Variants in NKAIN3 observed in about 807,000 individuals in gnomAD.
The protein encoded by NKAIN3 is sodium/potassium transporting ATPase interacting 3.
NKAIN3 carries 25 observed loss-of-function variants against 30.2 expected under a neutral mutation model. That is an observed-to-expected ratio of 0.83 (90% CI 0.60 to 1.16). The LOEUF (loss-of-function observed/expected upper bound fraction) is 1.16, where lower values mean the gene tolerates loss of function less well. Ranked by LOEUF, NKAIN3 falls within the 50% of genes most tolerant of loss-of-function variation. The pLI, the probability that NKAIN3 is intolerant of heterozygous loss-of-function variation, is 0.00. For missense variants in NKAIN3, 225 were observed against 254.1 expected, an observed-to-expected ratio of 0.89 and a Z score of 0.78; for synonymous variants, 91 against 89.6, an observed-to-expected ratio of 1.02 and a Z score of -0.09.
intron 5 of NKAIN3, among the ~76,000 whole-genome samples, chr8:62,952,655 A>C (rs897033878): frequency 1.3e-5 from 2 of 152,170 alleles, no homozygotes; most frequent in African/African-American, 2.4e-5. Context: ...CAATTGAAAA[A>C]CTTAAATTGA....
At position 62,919,227 on chromosome 8, in the gene NKAIN3, A is replaced by ATTTTTTTTTTT. The variant is rs71255371; in HGVS notation, c.532+739_532+749dup. 2.3e-3 allele frequency among the ~76,000 whole-genome samples: 110 copies of ATTTTTTTTTTT among 47,188 alleles called. 8 individuals carry two copies. The highest frequency in any genetic ancestry group is 3.4e-3 in the African/African-American group (38 of 11,070). The allele number at this position is 47,188 out of a possible 152,430, so 31.0% of individuals were successfully genotyped here. A position where few individuals can be genotyped will look rare whatever the true frequency, so the allele number is the denominator to read the frequency against. On this transcript the variant is annotated intron_variant, in intron 5 of 6. Coordinates refer to ENST00000623646, the MANE Select transcript of NKAIN3 (RefSeq NM_001304533.3). The stretch of plus-strand genomic sequence containing the variant: ...TCACTTTTTTTTATTTACTTTCAAA[A>ATTTTTTTTTTT]TTTTTTTTTTTTTTTTTTTTTTTTT...
chr8:62,497,124 G>A (rs1043674066), intron 1 of NKAIN3, among the ~76,000 whole-genome samples: 3 of 151,888 alleles, frequency 2.0e-5, no homozygotes, highest in East Asian at 1.9e-4. Context: ...TGTTTCTTCT[G>A]TTTTACAGCT....
In NKAIN3 at chr8:62,579,693, T is replaced by C; in HGVS notation, c.192+17T>C. ...ATAATGGTGGTAAGTCTTATTTTTA[T>C]CATTTTGCTTCATATAAACAATTCA... On this transcript the variant is annotated intron_variant, in intron 2 of 6. Transcript: ENST00000623646. The C allele has an allele frequency of 7.2e-7, 1 of 1,382,376 alleles. No individual in the cohort carries two copies. The highest frequency in any genetic ancestry group is 9.5e-7 in the Non-Finnish European group (1 of 1,051,968). The allele number at this position is 1,382,376 out of a possible 1,614,324, so 85.6% of individuals were successfully genotyped here. A position where few individuals can be genotyped will look rare whatever the true frequency, so the allele number is the denominator to read the frequency against.
chr8:62,294,283 C>T (rs1813755552), intron 1 of NKAIN3, among the ~76,000 whole-genome samples: 1 of 152,126 alleles, frequency 6.6e-6, no homozygotes, highest in Non-Finnish European at 1.5e-5. Flanking sequence ...GCAGAAATCA[C>T]CCGTCTTCTG....
intron 3 of NKAIN3, among the ~76,000 whole-genome samples, chr8:62,738,062 C>T (rs1450300440): frequency 2.0e-5 from 3 of 152,124 alleles, no homozygotes; most frequent in Non-Finnish European, 4.4e-5. Context: ...AATGGTATTT[C>T]TGGTTCTAGA....
At chr8:62,526,344 A>T (rs1453552686) in intron 1 of NKAIN3, among the ~76,000 whole-genome samples, 2 of 152,116 alleles carry the variant, frequency 1.3e-5, no homozygotes, top group African/African-American at 2.4e-5. Context: ...TAACTTAGAA[A>T]TCTCCCAAAA....
chr8:62,875,503 C>T (rs1820769209), intron 4 of NKAIN3, among the ~76,000 whole-genome samples: 1 of 150,872 alleles, frequency 6.6e-6, no homozygotes, highest in Non-Finnish European at 1.5e-5. Flanking sequence ...GAATCAAACA[C>T]CTCGTATAGT....
intron 4 of NKAIN3, among the ~76,000 whole-genome samples, chr8:62,852,291 G>A (rs535316431): frequency 3.2e-4 from 49 of 152,102 alleles, no homozygotes; most frequent in South Asian, 1.5e-3. Context: ...CTGTGGGATC[G>A]GTGGTGATAT....
chr8:62,412,427 A>C (rs891615351), intron 1 of NKAIN3, among the ~76,000 whole-genome samples: 4 of 152,174 alleles, frequency 2.6e-5, no homozygotes, highest in Admixed American at 2.6e-4. Context: ...CTATATACAA[A>C]AATTAACTCG....
intron 1 of NKAIN3, among the ~76,000 whole-genome samples, chr8:62,522,287 C>T (rs28485927): frequency 0.064 from 9,733 of 152,128 alleles, 952 homozygotes; most frequent in African/African-American, 0.22. Flanking sequence ...CAACGCATTA[C>T]TCATGTGTTT....
chr8:62,893,255 C>G (rs1821342893), intron 4 of NKAIN3, among the ~76,000 whole-genome samples: 1 of 152,104 alleles, frequency 6.6e-6, no homozygotes, highest in Non-Finnish European at 1.5e-5. Context: ...TCAAATGGCT[C>G]AGTGGCCTGC....
At chr8:62,937,976 A>G (rs577392388) in intron 5 of NKAIN3, among the ~76,000 whole-genome samples, 3 of 152,166 alleles carry the variant, frequency 2.0e-5, no homozygotes, top group Non-Finnish European at 4.4e-5. Flanking sequence ...AGAGGCAGCC[A>G]TAATTCCCCT....
intron 1 of NKAIN3, among the ~76,000 whole-genome samples, chr8:62,523,888 T>C (rs369230556): frequency 6.6e-6 from 1 of 152,084 alleles, no homozygotes; most frequent in African/African-American, 2.4e-5. Flanking sequence ...TAGCACTACC[T>C]GCAGCCAGGT....
downstream of NKAIN3, among the ~76,000 whole-genome samples, chr8:62,988,160 G>A (rs1333141853): frequency 1.3e-5 from 2 of 152,200 alleles, no homozygotes; most frequent in Non-Finnish European, 2.9e-5. Flanking sequence ...CACTTCTGTG[G>A]CTTTGCAGGG....
intron 1 of NKAIN3, among the ~76,000 whole-genome samples, chr8:62,461,488 A>G (rs775717919): frequency 6.6e-6 from 1 of 152,244 alleles, no homozygotes; most frequent in Non-Finnish European, 1.5e-5. Context: ...AACTATTTCT[A>G]GAGAATCCTA....
At chr8:62,835,908 C>T (rs1021012072) in intron 4 of NKAIN3, among the ~76,000 whole-genome samples, 1 of 152,064 alleles carries the variant, frequency 6.6e-6, no homozygotes, top group Non-Finnish European at 1.5e-5. Flanking sequence ...CAGTGCTATT[C>T]ACAATGGCAA....
At chr8:62,738,885 A>G (rs1339931178) in intron 3 of NKAIN3, among the ~76,000 whole-genome samples, 1 of 152,080 alleles carries the variant, frequency 6.6e-6, no homozygotes, top group Non-Finnish European at 1.5e-5. Flanking sequence ...CCAATGATAG[A>G]CTGGATAAAG....
At chr8:62,527,370 C>T (rs1395339024) in intron 1 of NKAIN3, among the ~76,000 whole-genome samples, 1 of 152,158 alleles carries the variant, frequency 6.6e-6, no homozygotes. Context: ...ATTTATTTAA[C>T]ATTAAATGGA....
intron 1 of NKAIN3, among the ~76,000 whole-genome samples, chr8:62,569,082 C>T (rs1433494781): frequency 6.6e-6 from 1 of 152,144 alleles, no homozygotes; most frequent in East Asian, 1.9e-4. Context: ...AACTGCATCA[C>T]AAGCATTACA....
Sources: gnomAD v4.1 joint callset for allele counts (sites outside exome capture counted in the v4.1 genomes callset) on GRCh38, gnomAD v4.1.1 for gene constraint, MANE v1.5 for transcripts, NCBI Gene and HGNC (gene_info 2026-07-23, HGNC 2026-07-21) for gene names.